The following PDE3B variants were observed in gnomAD, a reference collection of about 807,000 sequenced individuals.
PDE3B encodes the protein cGMP-inhibited 3',5'-cyclic phosphodiesterase 3B.
PDE3B carries 66 observed loss-of-function variants against 116.8 expected under a neutral mutation model. The observed-to-expected ratio is 0.56, with a 90% CI of 0.46 to 0.69. The LOEUF (loss-of-function observed/expected upper bound fraction) is 0.69. Among genes scored for constraint, PDE3B ranks in the 30% least tolerant of loss-of-function variants. The pLI is 0.00. For missense variants in PDE3B, 1,384 were observed against 1,368.1 expected, an observed-to-expected ratio of 1.01 and a Z score of -0.18; for synonymous variants, 595 against 533.6, an observed-to-expected ratio of 1.12 and a Z score of -1.59.
chr11:14,654,533 TACTC>T (rs1014281888), intron 1 of PDE3B, among the ~76,000 whole-genome samples: 1 of 152,062 alleles, frequency 6.6e-6, no homozygotes, highest in Non-Finnish European at 1.5e-5. Context: ...TGAAAGTACA[TACTC>T]AGGCAGAAGA....
intron 2 of PDE3B, among the ~76,000 whole-genome samples, chr11:14,779,803 A>G (rs1045720885): frequency 7.9e-5 from 12 of 152,226 alleles, no homozygotes; most frequent in Admixed American, 5.9e-4. Flanking sequence ...GACAGGATCA[A>G]ATTCACACAT....
chr11:14,774,060 C>T (rs539674386), intron 2 of PDE3B: 1 of 152,302 alleles, frequency 6.6e-6, no homozygotes, highest in Non-Finnish European at 1.5e-5. Flanking sequence ...AGTTATGAAT[C>T]AGCAGAAAAT....
chr11:14,656,618 C>T (rs1392921873), intron 1 of PDE3B, among the ~76,000 whole-genome samples: 1 of 152,080 alleles, frequency 6.6e-6, no homozygotes, highest in African/African-American at 2.4e-5. Context: ...ACCCCAGTTT[C>T]TCTGTGTATA....
At chr11:14,779,137 G>T (rs1370717892) in intron 2 of PDE3B, among the ~76,000 whole-genome samples, 2 of 152,050 alleles carry the variant, frequency 1.3e-5, no homozygotes, top group African/African-American at 4.8e-5. Flanking sequence ...AGAAAGAAAT[G>T]AGCAAAGCCT....
intron 11 of PDE3B, among the ~76,000 whole-genome samples, chr11:14,836,722 A>T (rs938544788): frequency 6.6e-6 from 1 of 152,166 alleles, no homozygotes; most frequent in African/African-American, 2.4e-5. Flanking sequence ...CATCAACAGA[A>T]CTATTTTTCT....
the PDE3B span, among the ~76,000 whole-genome samples, chr11:14,895,136 C>T: frequency 6.6e-6 from 1 of 152,226 alleles, no homozygotes; most frequent in Non-Finnish European, 1.5e-5. Flanking sequence ...CCTTTCTGTT[C>T]TTGAATGGCT....
rs139944217 is a variant in PDE3B, at chr11:14,784,057, G to A, written c.1030-2380G>A. Among the ~76,000 whole-genome samples the A allele has an allele frequency of 5.9e-4, 90 of 152,238 alleles. 1 individual carries two copies. Among genetic ancestry groups the A allele is most frequent in the East Asian group, 5.4e-3 (28 of 5,172 alleles). ...ACATGCAAGGGATTTGGGGTTGTACGCTCCTTATGAGAATCTAAGGCCTGA... is the reference window on the plus strand; with the variant it reads ...ACATGCAAGGGATTTGGGGTTGTACACTCCTTATGAGAATCTAAGGCCTGA... On this transcript the variant is annotated intron_variant, in intron 2 of 15. Transcript: ENST00000282096.
At chr11:14,664,123 C>T (rs557696805) in intron 1 of PDE3B, among the ~76,000 whole-genome samples, 34 of 152,206 alleles carry the variant, frequency 2.2e-4, no homozygotes, top group Non-Finnish European at 4.3e-4. Flanking sequence ...CACTCAAAAC[C>T]GCTCAACTAT....
intron 1 of PDE3B, among the ~76,000 whole-genome samples, chr11:14,714,749 G>C (rs1285556758): frequency 6.6e-6 from 1 of 152,050 alleles, no homozygotes; most frequent in Admixed American, 6.6e-5. Flanking sequence ...CATATGGCTA[G>C]TGTGGCTGAA....
chr11:14,655,263 C>T (rs1348654585), intron 1 of PDE3B, among the ~76,000 whole-genome samples: 8 of 152,080 alleles, frequency 5.3e-5, no homozygotes, highest in Non-Finnish European at 1.0e-4. Context: ...TTATAAAAGA[C>T]TGAATTCACC....
intron 1 of PDE3B, among the ~76,000 whole-genome samples, chr11:14,664,738 A>G (rs573641033): frequency 1.3e-5 from 2 of 152,364 alleles, no homozygotes; most frequent in East Asian, 1.9e-4. Context: ...CTCTCTGAAT[A>G]GACCAATAAC....
At position 14,835,011 on chromosome 11, in the gene PDE3B, C is replaced by A. The variant is rs1860010991; in HGVS notation, c.2236C>A (p.Leu746Ile). The A allele has an allele frequency of 1.2e-5, 19 of 1,612,700 alleles. No homozygotes were observed. Among genetic ancestry groups the A allele is most frequent in the Non-Finnish European group, 1.6e-5 (19 of 1,179,054 alleles). Residue 746 changes from leucine (L) to isoleucine (I), a missense_variant, in exon 11 of 16, where the codon CTA becomes ATA. Physicochemically the swap from Leu to Ile is conservative, Grantham distance 5 (BLOSUM62 2). This residue lies in a region of PDE3B where 428 missense variants were observed against 561.4 expected (regional missense o/e 0.76). Transcript: ENST00000282096. ...YHNRIHATDV[L>I]HAVWYLTTRP... The stretch of plus-strand genomic sequence containing the variant: ...CAATCGTATACATGCCACAGATGTG[C>A]TACATGCAGTTTGGTATCTGACAAC...
intron 1 of PDE3B, among the ~76,000 whole-genome samples, chr11:14,727,666 G>A (rs1856347818): frequency 6.6e-6 from 1 of 152,042 alleles, no homozygotes; most frequent in Non-Finnish European, 1.5e-5. Flanking sequence ...TCAAATGTTA[G>A]GGCTAGATGG....
At chr11:14,663,151 A>G (rs1259022047) in intron 1 of PDE3B, among the ~76,000 whole-genome samples, 1 of 152,172 alleles carries the variant, frequency 6.6e-6, no homozygotes, top group African/African-American at 2.4e-5. Context: ...GGGGGCCAAT[A>G]TTCAACATTC....
chr11:14,644,163 G>C lies in PDE3B; in HGVS notation c.88G>C (p.Gly30Arg), dbSNP rs781061945. The C allele has an allele frequency of 5.0e-6, 8 of 1,594,668 alleles. No homozygotes were observed. In the Admixed American group the frequency reaches 8.4e-5, roughly 17 times the overall value. ...AGSPPESLRN[G>R]YVKSCVSPLR... ...CTCGCCCCCCGAGAGTCTGAGGAACGGCTACGTGAAGAGCTGCGTGAGCCC... is the reference window on the plus strand; with the variant it reads ...CTCGCCCCCCGAGAGTCTGAGGAACCGCTACGTGAAGAGCTGCGTGAGCCC... The change falls in exon 1 of 16, where the codon GGC becomes CGC. Residue 30 changes from glycine to arginine, a missense_variant. Transcript: ENST00000282096.
intron 5 of PDE3B, among the ~76,000 whole-genome samples, chr11:14,812,651 A>T (rs906840446): frequency 6.6e-6 from 1 of 152,258 alleles, no homozygotes. Context: ...GAAGAGTCAT[A>T]TATCTTCTAA....
intron 14 of PDE3B, among the ~76,000 whole-genome samples, chr11:14,862,232 T>C (rs1420926630): frequency 2.6e-5 from 4 of 152,166 alleles, no homozygotes; most frequent in Non-Finnish European, 4.4e-5. Context: ...TCACCTGACA[T>C]TTCTGATGGG....
chr11:14,831,894 AT>A (rs1859896235), intron 9 of PDE3B, 117 bp downstream of exon 9: 7 of 616,352 alleles, frequency 1.1e-5, no homozygotes, highest in Non-Finnish European at 1.7e-5. Flanking sequence ...ATTGTTCATT[AT>A]TTTTTTCAGA....
chr11:14,759,484 C>T (rs953878310), intron 1 of PDE3B, among the ~76,000 whole-genome samples: 1 of 151,424 alleles, frequency 6.6e-6, no homozygotes, highest in African/African-American at 2.4e-5. Flanking sequence ...AGTAGTAGTT[C>T]AGTTCTAAAT....
Sources: allele counts gnomAD v4.1 joint callset (sites outside exome capture counted in the v4.1 genomes callset), GRCh38; gene constraint gnomAD v4.1.1; regional missense constraint gnomAD v4.1.1; transcripts MANE v1.5; gene names NCBI Gene and HGNC (gene_info 2026-07-23, HGNC 2026-07-21).